The following ADPRHL1 variants were observed in gnomAD, a reference collection of about 807,000 sequenced individuals.
ADPRHL1 encodes the protein inactive ADP-ribosyltransferase ARH2.
Under a neutral mutation model 44.1 loss-of-function variants are expected in ADPRHL1, and 43 were observed. The observed-to-expected ratio is 0.98, with a 90% CI of 0.76 to 1.26. The LOEUF is 1.26. Among genes scored for constraint, ADPRHL1 ranks in the 50% most tolerant of loss-of-function variants. ADPRHL1 has a pLI of 0.00. For missense variants in ADPRHL1, 2,022 were observed against 2,496.9 expected (o/e 0.81, Z 4.05); for synonymous variants, 878 against 1,017.4 (o/e 0.86, Z 2.61).
rs1449287822 is a variant in ADPRHL1 at position 113,441,023 on chromosome 13, G to A, written c.379+3402C>T. On this transcript the variant is annotated intron_variant, in intron 2 of 7. Coordinates refer to ENST00000612156, the MANE Select transcript of ADPRHL1 (RefSeq NM_001394807.1). The surrounding 1 kb of genome is among the most constrained non-coding windows in gnomAD (Gnocchi z 6.0). Reference sequence around the variant, plus strand: ...CAAAAATTAGCCAGGTGTGGTGGTGGGCGCCCGTAGTCCCAGCTACTTGGG... The same window carrying A: ...CAAAAATTAGCCAGGTGTGGTGGTGAGCGCCCGTAGTCCCAGCTACTTGGG... Among the ~76,000 whole-genome samples the A allele has an allele frequency of 6.6e-6, 1 of 152,082 alleles. No homozygotes were observed. The highest frequency in any genetic ancestry group is 2.1e-4 in the South Asian group (1 of 4,832).
chr13:113,428,896 G>T, intron 4 of ADPRHL1, 56 bp downstream of exon 4: 1 of 1,604,678 alleles, frequency 6.2e-7, no homozygotes, highest in East Asian at 2.2e-5. Context: ...CCATGGAGGG[G>T]CTGGATCTGT....
chr13:113,422,687 G>C (rs1032084382), intron 7 of ADPRHL1, 139 bp downstream of exon 7: 2 of 1,040,492 alleles, frequency 1.9e-6, no homozygotes, highest in Non-Finnish European at 2.8e-6. Flanking sequence ...ATTGGAAACA[G>C]AGAGTTAGAT....
intron 2 of ADPRHL1, among the ~76,000 whole-genome samples, chr13:113,443,649 A>G (rs111845795): frequency 9.0e-4 from 136 of 151,920 alleles, no homozygotes; most frequent in African/African-American, 3.1e-3. Flanking sequence ...ATGATTAAAA[A>G]AAATTTAAAG....
intron 3 of ADPRHL1, among the ~76,000 whole-genome samples, chr13:113,433,215 C>T (rs766563000): frequency 6.6e-6 from 1 of 152,200 alleles, no homozygotes; most frequent in Non-Finnish European, 1.5e-5. Flanking sequence ...CCGTGGTTCC[C>T]GTGGTCTCCT....
In ADPRHL1 at chr13:113,427,590, G is replaced by A. The variant is rs367762147; in HGVS notation, c.646+1362C>T. ...TCTCTGTTGTCCAGGCTGGAGTGCA[G>A]TGGCACCATCTTGGCACACTGCAAC... On this transcript the variant is annotated intron_variant, in intron 4 of 7. Transcript: ENST00000612156. Among the ~76,000 whole-genome samples, 675 of 151,842 alleles carry A rather than the reference G, an allele frequency of 4.4e-3. 2 individuals carry two copies. Among genetic ancestry groups the A allele is most frequent in the African/African-American group, 0.015 (627 of 41,408 alleles).
Position 113,409,688 on chromosome 13 carries a change from C to T in ADPRHL1, c.1062-1468G>A, listed in dbSNP as rs1467568656. 1 of 841,048 alleles carries T rather than the reference C, an allele frequency of 1.2e-6. No homozygotes were observed. Among genetic ancestry groups the T allele is most frequent in the African/African-American group, 1.8e-5 (1 of 54,264 alleles). The allele number at this position is 841,048 out of a possible 1,614,324, so 52.1% of individuals were successfully genotyped here. ...GATCACGAGGTCAGGAGATCGAGAC[C>T]ATCCTGGATAACACGGTGAAACCCC... On this transcript the variant is annotated intron_variant, in intron 7 of 7. Transcript: ENST00000612156. The surrounding 1 kb of genome is among the most constrained non-coding windows in gnomAD (Gnocchi z 4.2).
In ADPRHL1 at chr13:113,408,086, C is replaced by T. The variant is rs752620165; in HGVS notation, c.1196G>A (p.Arg399His). 2.9e-4 allele frequency: 352 copies of T among 1,231,888 alleles called. 1 individual carries two copies. The highest frequency in any genetic ancestry group is 9.3e-4 in the Middle Eastern group (3 of 3,232). 76.3% of individuals were successfully genotyped at this position (1,231,888 alleles called of 1,614,324 possible). ...CTCTGTCCCCGGGGGCCGGTCTGCGCGGCCCGTGACGTAGAGCAGCAGGCT... is the reference window on the plus strand; with the variant it reads ...CTCTGTCCCCGGGGGCCGGTCTGCGTGGCCCGTGACGTAGAGCAGCAGGCT... Reference protein sequence around the residue: ...LSSLLLYVTGRADRPPGTEAG... With the variant: ...LSSLLLYVTGHADRPPGTEAG... Residue 399 changes from arginine to histidine, a missense_variant, in exon 8 of 8, where the codon CGC becomes CAC. Coordinates refer to ENST00000612156, the MANE Select transcript of ADPRHL1 (RefSeq NM_001394807.1).
intron 1 of ADPRHL1, 36 bp from the exon 2 acceptor site, chr13:113,444,625 C>T (rs1268769757): frequency 1.2e-6 from 2 of 1,605,556 alleles, no homozygotes; most frequent in Non-Finnish European, 1.7e-6. Flanking sequence ...TCAGAGCCAG[C>T]TGTGGTGTGA....
In ADPRHL1 at chr13:113,441,706, G is replaced by A. The variant is rs189441887; in HGVS notation, c.379+2719C>T. Among the ~76,000 whole-genome samples, 60 of 152,070 alleles carry A rather than the reference G, an allele frequency of 3.9e-4. No homozygotes were observed. Among genetic ancestry groups the A allele is most frequent in the Admixed American group, 9.8e-4 (15 of 15,270 alleles). ...TTTCTGTAACACTCTATCCCGCTGCGTGGGTCCATGTCTCTATCATGCCAT... is the reference window on the plus strand; with the variant it reads ...TTTCTGTAACACTCTATCCCGCTGCATGGGTCCATGTCTCTATCATGCCAT... On this transcript the variant is annotated intron_variant, in intron 2 of 7. Coordinates refer to ENST00000612156, the MANE Select transcript of ADPRHL1 (RefSeq NM_001394807.1). The surrounding 1 kb of genome is among the most constrained non-coding windows in gnomAD (Gnocchi z 6.0).
intron 7 of ADPRHL1, among the ~76,000 whole-genome samples, chr13:113,408,584 C>T (rs1241997704): frequency 1.3e-5 from 2 of 152,192 alleles, no homozygotes; most frequent in Non-Finnish European, 2.9e-5. Context: ...TTTGCTTGTA[C>T]AGTAGGTAAA....
intron 4 of ADPRHL1, among the ~76,000 whole-genome samples, 197 bp from the exon 5 acceptor site, chr13:113,425,376 A>C (rs968219070): frequency 1.3e-5 from 2 of 152,154 alleles, no homozygotes; most frequent in Non-Finnish European, 2.9e-5. Context: ...CAGAATTACC[A>C]ACATGCTGAC....
chr13:113,440,643 C>CG (rs1422987775), intron 2 of ADPRHL1, among the ~76,000 whole-genome samples: 1 of 151,946 alleles, frequency 6.6e-6, no homozygotes, highest in African/African-American at 2.4e-5. Flanking sequence ...TTAGTAGAGA[C>CG]AGGGTTTCAC....
chr13:113,409,019 G>A lies in ADPRHL1; in HGVS notation c.1062-799C>T, dbSNP rs1014475419. Among the ~76,000 whole-genome samples, 32 of 152,176 alleles carry A rather than the reference G, an allele frequency of 2.1e-4. No homozygotes were observed. The highest frequency in any genetic ancestry group is 6.5e-4 in the African/African-American group (27 of 41,436). On this transcript the variant is annotated intron_variant, in intron 7 of 7. Transcript: ENST00000612156. This position sits in a 1 kb window ranked among gnomAD's most constrained non-coding sequence, Gnocchi z 4.2. ...GCTGGGATCACTTGGCTGGGTCTCC[G>A]GAACCCCTTTCAAAATGGCTTAGAG...
chr13:113,425,244 GTT>G, intron 4 of ADPRHL1, 65 bp from the exon 5 acceptor site: 1 of 792,654 alleles, frequency 1.3e-6, no homozygotes, highest in Admixed American at 4.8e-5. Flanking sequence ...GGTGCAGGGA[GTT>G]GGGGGTGGGG....
intron 1 of ADPRHL1, among the ~76,000 whole-genome samples, chr13:113,448,493 G>T (rs2044157726): frequency 1.1e-5 from 1 of 91,984 alleles, no homozygotes; most frequent in Non-Finnish European, 2.0e-5. Flanking sequence ...AAAAAAAAAT[G>T]GTGCCTGAGT....
chr13:113,440,157 G>T (rs544937970), intron 2 of ADPRHL1, among the ~76,000 whole-genome samples: 2 of 152,214 alleles, frequency 1.3e-5, no homozygotes, highest in South Asian at 4.1e-4. Context: ...GTTTTAAAAC[G>T]TGAAAATGAA....
Position 113,453,112 on chromosome 13 carries a change from C to A in ADPRHL1, c.214+112G>T. ...TTTTAGCAGCGGTATCAGGTAACAC[C>A]ATCCGCTGAAGGACCGCACTGCCTT... is the stretch of plus-strand genomic sequence containing the variant. On this transcript the variant is annotated intron_variant, in intron 1 of 7. Coordinates refer to ENST00000612156, the MANE Select transcript of ADPRHL1 (RefSeq NM_001394807.1). The surrounding 1 kb of genome is among the most constrained non-coding windows in gnomAD (Gnocchi z 5.4). 1 of 1,159,576 alleles carries A rather than the reference C, an allele frequency of 8.6e-7. No individual in the cohort carries two copies. The highest frequency in any genetic ancestry group is 1.2e-6 in the Non-Finnish European group (1 of 807,632). The allele number at this position is 1,159,576 out of a possible 1,614,324, so 71.8% of individuals were successfully genotyped here. A position where few individuals can be genotyped will look rare whatever the true frequency, so the allele number is the denominator to read the frequency against.
chr13:113,452,425 G>A (rs565467292), intron 1 of ADPRHL1, among the ~76,000 whole-genome samples: 64 of 152,328 alleles, frequency 4.2e-4, no homozygotes, highest in South Asian at 1.4e-3. Context: ...GAACGCATAA[G>A]TGAGATTTCA....
In ADPRHL1 at chr13:113,407,437, A is replaced by G; in HGVS notation, c.1845T>C (p.Ala615=). The G allele has an allele frequency of 8.1e-7, 1 of 1,231,958 alleles. No individual in the cohort carries two copies. The highest frequency in any genetic ancestry group is 1.0e-6 in the Non-Finnish European group (1 of 988,000). 76.3% of individuals were successfully genotyped at this position (1,231,958 alleles called of 1,614,324 possible). The change falls in exon 8 of 8, where the codon GCT becomes GCC. Residue 615 remains alanine, a synonymous_variant. Transcript: ENST00000612156. ...MPPARFLACT[A]EPLPALSIAT... ...CGATGCTGAGGGCCGGCAGGGGCTCAGCCGTGCAGGCCAGAAAGCGGGCAG... is the reference window on the plus strand; with the variant it reads ...CGATGCTGAGGGCCGGCAGGGGCTCGGCCGTGCAGGCCAGAAAGCGGGCAG...
Sources: allele counts gnomAD v4.1 joint callset (sites outside exome capture counted in the v4.1 genomes callset), GRCh38; gene constraint gnomAD v4.1.1; non-coding constraint Gnocchi (gnomAD v3.1); transcripts MANE v1.5; gene names NCBI Gene and HGNC (gene_info 2026-07-23, HGNC 2026-07-21).